MMS19: variants seen among roughly 807,000 people sequenced by gnomAD.
MMS19 encodes the protein MMS19 nucleotide excision repair protein homolog.
In MMS19, 77 loss-of-function variants were observed where a neutral mutation model predicts 129.8. The observed-to-expected ratio is 0.59, with a 90% CI of 0.49 to 0.72. The LOEUF is 0.72. Ranked by LOEUF, MMS19 falls within the 30% of genes least tolerant of loss-of-function variation. The pLI is 0.00. For missense variants in MMS19, 1,168 were observed against 1,266.3 expected (o/e 0.92, Z 1.18); for synonymous variants, 491 against 502.8 (o/e 0.98, Z 0.31).
intron 12 of MMS19, 81 bp from the exon 13 acceptor site, chr10:97,468,487 T>G: frequency 7.4e-7 from 1 of 1,357,900 alleles, no homozygotes; most frequent in Non-Finnish European, 9.8e-7. Context: ...GGTTGGAGAC[T>G]GAGACCCATG....
At chr10:97,460,514 G>A (rs777065803) in intron 25 of MMS19, among the ~76,000 whole-genome samples, 181 bp downstream of exon 25, 1 of 152,184 alleles carries the variant, frequency 6.6e-6, no homozygotes, top group Non-Finnish European at 1.5e-5. Flanking sequence ...TGAGGCTGGA[G>A]TGAGCTGTGA....
At chr10:97,491,789 C>T (rs981930310) in intron 1 of MMS19, among the ~76,000 whole-genome samples, 3 of 152,186 alleles carry the variant, frequency 2.0e-5, no homozygotes, top group African/African-American at 7.2e-5. Flanking sequence ...CCTGGCAAAG[C>T]CCTTTAGTCT....
chr10:97,482,737 TACACACACACAC>T (rs764606344), intron 2 of MMS19, among the ~76,000 whole-genome samples: 1 of 98,394 alleles, frequency 1.0e-5, no homozygotes, highest in Non-Finnish European at 2.2e-5. Flanking sequence ...TGTATATATA[TACACACACACAC>T]ACACACACAC....
rs775917506 is a variant in MMS19, at chr10:97,462,568, C to T, written c.2012+15G>A. 1.4e-5 allele frequency: 23 copies of T among 1,600,196 alleles called. No homozygotes were observed. The highest frequency in any genetic ancestry group is 2.0e-5 in the Non-Finnish European group (23 of 1,167,422). ...CTTCTCCCTGGGTTCAAGCCACATC[C>T]ATGATTATACTTACTCAGGGCTCAG... is the stretch of plus-strand genomic sequence containing the variant. On this transcript the variant is annotated intron_variant, in intron 20 of 30. Coordinates refer to ENST00000438925, the MANE Select transcript of MMS19 (RefSeq NM_022362.5).
chr10:97,460,625 T>C (rs1253843937), intron 25 of MMS19, 70 bp downstream of exon 25: 3 of 1,300,106 alleles, frequency 2.3e-6, no homozygotes, highest in South Asian at 2.5e-5. Flanking sequence ...ATGGAAGTCC[T>C]TGGGAGGAAT....
chr10:97,495,826 G>C (rs2039678080), intron 1 of MMS19, among the ~76,000 whole-genome samples: 1 of 152,204 alleles, frequency 6.6e-6, no homozygotes, highest in South Asian at 2.1e-4. Context: ...CTGTTGCCCA[G>C]GCTGGAGTGC....
intron 2 of MMS19, 119 bp downstream of exon 2, chr10:97,483,984 A>C (rs1282131318): frequency 1.5e-6 from 1 of 660,268 alleles, no homozygotes; most frequent in East Asian, 2.7e-5. Flanking sequence ...CTAATATGGA[A>C]GGGGGCTGCT....
intron 12 of MMS19, 139 bp from the exon 13 acceptor site, chr10:97,468,545 G>C: frequency 1.3e-6 from 1 of 795,736 alleles, no homozygotes; most frequent in Non-Finnish European, 1.9e-6. Context: ...TTCAAAGTAG[G>C]GCTATCGCCC....
rs2037330233 is a variant in MMS19, at chr10:97,483,862, G to A, written c.161+241C>T. Among the ~76,000 whole-genome samples the A allele has an allele frequency of 2.0e-5, 3 of 152,262 alleles. No individual in the cohort carries two copies. The South Asian group carries it at 6.2e-4, about 31-fold the overall frequency. On this transcript the variant is annotated intron_variant, in intron 2 of 30. Coordinates refer to ENST00000438925, the MANE Select transcript of MMS19 (RefSeq NM_022362.5). ...CCCAAAGCCATGGGCTGTGCCAGGA[G>A]TTGATGTGGCCTACAGGCTGTGTGC... is the stretch of plus-strand genomic sequence containing the variant.
chr10:97,487,825 G>A (rs1216182879), intron 1 of MMS19, among the ~76,000 whole-genome samples: 1 of 152,132 alleles, frequency 6.6e-6, no homozygotes, highest in Non-Finnish European at 1.5e-5. Flanking sequence ...ATTTAAAATG[G>A]GCAAAAACAG....
upstream of MMS19, chr10:97,498,764 T>C (rs2040260834): frequency 7.4e-6 from 2 of 270,198 alleles, no homozygotes; most frequent in South Asian, 6.6e-5. Flanking sequence ...CATGCGCACC[T>C]GGGGCGGGTG....
Position 97,465,874 on chromosome 10 carries a change from A to T in MMS19, c.1687T>A (p.Ser563Thr). ...LCCLQALSAV[S>T]THPSIVKETL... is the part of the protein sequence containing the mutation. The stretch of plus-strand genomic sequence containing the variant: ...TCCTTGACGATGCTGGGATGTGTTG[A>T]TACAGCTGACAAGGCTTGCAGACAG... The change falls in exon 18 of 31, where the codon TCA (serine) becomes ACA (threonine). Residue 563 changes from serine to threonine, a missense_variant. Ser to Thr is a moderately conservative substitution (Grantham distance 58). Around this residue, in one of 3 missense-constraint regions of MMS19, gnomAD observed 831 missense variants for 910.8 expected, o/e 0.91. Coordinates refer to ENST00000438925, the MANE Select transcript of MMS19 (RefSeq NM_022362.5). 6.2e-7 allele frequency: 1 copy of T among 1,613,960 alleles called. No individual in the cohort carries two copies. The highest frequency in any genetic ancestry group is 8.5e-7 in the Non-Finnish European group (1 of 1,179,882).
Position 97,482,676 on chromosome 10 carries a change from TTATGA to T in MMS19, c.161+1422_161+1426del, listed in dbSNP as rs1175899333. Among the ~76,000 whole-genome samples the T allele has an allele frequency of 6.6e-5, 10 of 151,358 alleles. No individual in the cohort carries two copies. In the South Asian group the frequency reaches 1.3e-3, roughly 19 times the overall value. ...ATTGTACATTTTAAAATGGTGAACT[TTATGA>T]TATGTGAATCATACATCAATAAGGC... On this transcript the variant is annotated intron_variant, in intron 2 of 30. Coordinates refer to ENST00000438925, the MANE Select transcript of MMS19 (RefSeq NM_022362.5).
Position 97,458,464 on chromosome 10 carries a change from A to C in MMS19, c.*228T>G. On this transcript the variant is annotated 3_prime_UTR_variant, in exon 31 of 31. Coordinates refer to ENST00000438925, the MANE Select transcript of MMS19 (RefSeq NM_022362.5). ...ATAAATGCAAGAGACCCAGGACCCT[A>C]GATCTTTCTTCAAACGCAAGTGTCT... 1.8e-6 allele frequency: 1 copy of C among 556,462 alleles called. No individual in the cohort carries two copies. Among genetic ancestry groups the C allele is most frequent in the Non-Finnish European group, 3.2e-6 (1 of 315,472 alleles). 34.5% of individuals were successfully genotyped at this position (556,462 alleles called of 1,614,324 possible).
Position 97,458,399 on chromosome 10 carries a change from G to A in MMS19, c.*293C>T, listed in dbSNP as rs2030455609. 1 of 407,478 alleles carries A rather than the reference G, an allele frequency of 2.5e-6. No individual in the cohort carries two copies. The highest frequency in any genetic ancestry group is 4.4e-6 in the Non-Finnish European group (1 of 227,294). 25.2% of individuals were successfully genotyped at this position (407,478 alleles called of 1,614,324 possible). ...CTGGTCCTCAGGGCCACACTCATAT[G>A]CACTCACCCCTCAGCAGCATATCGC... On this transcript the variant is annotated 3_prime_UTR_variant, in exon 31 of 31. Coordinates refer to ENST00000438925, the MANE Select transcript of MMS19 (RefSeq NM_022362.5).
At chr10:97,463,727 G>A (rs1267556324) in intron 19 of MMS19, 131 bp downstream of exon 19, 1 of 900,872 alleles carries the variant, frequency 1.1e-6, no homozygotes, top group East Asian at 2.7e-5. Context: ...ATCTCACTCT[G>A]AGGACAAAGG....
chr10:97,477,383 T>G lies in MMS19; in HGVS notation c.457A>C (p.Asn153His). 1 of 1,614,014 alleles carries G rather than the reference T, an allele frequency of 6.2e-7. No homozygotes were observed. The highest frequency in any genetic ancestry group is 1.1e-5 in the South Asian group (1 of 91,080). The change falls in exon 6 of 31, where the codon AAT becomes CAT. Residue 153 changes from asparagine (N) to histidine (H), a missense_variant. Transcript: ENST00000438925. Reference protein sequence around the residue: ...LPQVDRHTVYNIITNFMRTRE... With the variant: ...LPQVDRHTVYHIITNFMRTRE... ...GTTCGCATAAAATTGGTGATGATAT[T>G]GTAGACTGTGTGTCGGTCCACCTGT...
intron 26 of MMS19, 27 bp downstream of exon 26, chr10:97,460,019 G>A (rs373998908): frequency 4.0e-5 from 65 of 1,609,030 alleles, no homozygotes; most frequent in African/African-American, 2.8e-4. Context: ...ATGTGTATAT[G>A]TGGGGACCTT....
At chr10:97,475,434 C>A (rs1266010557) in intron 8 of MMS19, among the ~76,000 whole-genome samples, 1 of 152,168 alleles carries the variant, frequency 6.6e-6, no homozygotes, top group Non-Finnish European at 1.5e-5. Flanking sequence ...CAACACAAAA[C>A]ACAAAATAAA....
Sources: allele counts gnomAD v4.1 joint callset (sites outside exome capture counted in the v4.1 genomes callset), GRCh38; gene constraint gnomAD v4.1.1; regional missense constraint gnomAD v4.1.1; transcripts MANE v1.5; gene names NCBI Gene and HGNC (gene_info 2026-07-23, HGNC 2026-07-21).